Variants in RIMS1 observed in about 807,000 individuals in gnomAD.
The protein encoded by RIMS1 is regulating synaptic membrane exocytosis 1, also known as regulating synaptic membrane exocytosis protein 1.
Under a neutral mutation model 214.1 loss-of-function variants are expected in RIMS1, and 83 were observed. The observed-to-expected ratio is 0.39, with a 90% CI of 0.32 to 0.47. RIMS1 has a LOEUF of 0.47. RIMS1 is among the 20% of genes least tolerant of loss of function. RIMS1 has a pLI of 0.99. For missense variants in RIMS1, 2,050 were observed against 2,161.8 expected, an observed-to-expected ratio of 0.95 and a Z score of 1.03; for synonymous variants, 793 against 786.8, an observed-to-expected ratio of 1.01 and a Z score of -0.13.
intron 9 of RIMS1, among the ~76,000 whole-genome samples, chr6:72,239,692 TCTAAA>T: frequency 6.6e-6 from 1 of 152,300 alleles, no homozygotes; most frequent in Non-Finnish European, 1.5e-5. Flanking sequence ...CATTTAACCT[TCTAAA>T]ACACAAAAAT....
chr6:72,045,578 T>C (rs1822752594), intron 2 of RIMS1, among the ~76,000 whole-genome samples: 1 of 152,010 alleles, frequency 6.6e-6, no homozygotes, highest in South Asian at 2.1e-4. Flanking sequence ...TTAAACAAGT[T>C]TAATGCTTTT....
intron 6 of RIMS1, among the ~76,000 whole-genome samples, chr6:72,194,147 G>A (rs2050499339): frequency 6.6e-6 from 1 of 152,072 alleles, no homozygotes; most frequent in African/African-American, 2.4e-5. Flanking sequence ...AATCAATATG[G>A]TTAAAATGAC....
intron 24 of RIMS1, among the ~76,000 whole-genome samples, chr6:72,286,050 A>G (rs1002756233): frequency 1.3e-5 from 2 of 152,168 alleles, no homozygotes; most frequent in African/African-American, 2.4e-5. Context: ...ATACAAAAGT[A>G]GCTGGGCCTG....
intron 2 of RIMS1, among the ~76,000 whole-genome samples, chr6:72,086,652 G>C (rs1834734788): frequency 6.6e-6 from 1 of 152,120 alleles, no homozygotes; most frequent in African/African-American, 2.4e-5. Context: ...TTGTTGAATT[G>C]ATGTTTGGAA....
At chr6:71,951,680 A>T (rs1341692351) in intron 1 of RIMS1, among the ~76,000 whole-genome samples, 6 of 145,044 alleles carry the variant, frequency 4.1e-5, no homozygotes, top group Non-Finnish European at 6.0e-5. Flanking sequence ...TTTTTTTTTA[A>T]TAGTGACAGG....
chr6:72,029,601 T>G (rs1475299683), intron 2 of RIMS1, among the ~76,000 whole-genome samples: 1 of 152,122 alleles, frequency 6.6e-6, no homozygotes, highest in Admixed American at 6.6e-5. Flanking sequence ...GAAATAAATT[T>G]CTGTTATTTA....
intron 6 of RIMS1, among the ~76,000 whole-genome samples, chr6:72,186,779 A>AGC (rs1554265109): frequency 4.0e-5 from 6 of 148,320 alleles, no homozygotes; most frequent in African/African-American, 1.5e-4. Context: ...GTATATATGT[A>AGC]CCCCCCCCCA....
At chr6:71,983,208 G>T (rs888251699) in intron 2 of RIMS1, among the ~76,000 whole-genome samples, 6 of 150,912 alleles carry the variant, frequency 4.0e-5, no homozygotes, top group South Asian at 2.1e-4. Flanking sequence ...GTGTTTCTTG[G>T]ATCTGCTGTA....
At chr6:72,237,989 C>A (rs1158160416) in intron 9 of RIMS1, 67 bp downstream of exon 9, 8 of 1,100,730 alleles carry the variant, frequency 7.3e-6, no homozygotes, top group Admixed American at 2.2e-5. Context: ...TGGTGGTTTT[C>A]AATTTGGGGT....
chr6:72,061,814 G>T lies in RIMS1; in HGVS notation c.246-35135G>T, dbSNP rs575024139. ...ATATGTTACCAGTAATTCTAGAAAA[G>T]ATTTATAACACAATAACATTTTTAT... On this transcript the variant is annotated intron_variant, in intron 2 of 33. Transcript: ENST00000521978. 1.6e-4 allele frequency among the ~76,000 whole-genome samples: 25 copies of T among 152,264 alleles called. No homozygotes were observed. The East Asian group carries it at 4.8e-3, about 29-fold the overall frequency.
intron 6 of RIMS1, among the ~76,000 whole-genome samples, chr6:72,196,908 GA>G (rs374658248): frequency 6.6e-6 from 1 of 151,824 alleles, no homozygotes; most frequent in Non-Finnish European, 1.5e-5. Flanking sequence ...AAGTGAGAGG[GA>G]GCACTTCAAG....
At chr6:72,182,230 T>G (rs1471828281) in intron 5 of RIMS1, 54 bp from the exon 6 acceptor site, 1 of 1,486,668 alleles carries the variant, frequency 6.7e-7, no homozygotes, top group East Asian at 2.3e-5. Flanking sequence ...AAACATGTTT[T>G]TTATGTCTAG....
chr6:72,258,892 T>A, intron 17 of RIMS1, 94 bp from the exon 18 acceptor site: 3 of 1,151,414 alleles, frequency 2.6e-6, no homozygotes, highest in East Asian at 2.4e-5. Flanking sequence ...CAGTGTTTAT[T>A]TGCATATTAC....
At chr6:72,143,458 C>T (rs1268680513) in intron 4 of RIMS1, among the ~76,000 whole-genome samples, 2 of 151,876 alleles carry the variant, frequency 1.3e-5, no homozygotes, top group Non-Finnish European at 2.9e-5. Context: ...AACCTATGGC[C>T]TTGGTATTTG....
intron 4 of RIMS1, among the ~76,000 whole-genome samples, chr6:72,177,490 G>A (rs1445920432): frequency 6.6e-6 from 1 of 152,120 alleles, no homozygotes; most frequent in Non-Finnish European, 1.5e-5. Flanking sequence ...GACCTCAGAA[G>A]ATCTGCTCCC....
intron 8 of RIMS1, 52 bp from the exon 9 acceptor site, chr6:72,237,771 A>G (rs1288208082): frequency 1.6e-6 from 2 of 1,251,798 alleles, no homozygotes; most frequent in African/African-American, 3.0e-5. Flanking sequence ...CAAACTAATA[A>G]GCTTATGTTT....
chr6:72,216,695 G>T, intron 6 of RIMS1: 1 of 985,182 alleles, frequency 1.0e-6, no homozygotes, highest in South Asian at 4.7e-5. Flanking sequence ...TAATCCATGG[G>T]TATCCCAGTG....
At chr6:72,352,136 C>T (rs886262658) in intron 29 of RIMS1, among the ~76,000 whole-genome samples, 8 of 152,192 alleles carry the variant, frequency 5.3e-5, no homozygotes, top group African/African-American at 1.9e-4. Context: ...ACTGTACAAC[C>T]ATGCCAGCTT....
chr6:72,110,295 T>C (rs988013045), intron 4 of RIMS1, among the ~76,000 whole-genome samples: 3 of 152,328 alleles, frequency 2.0e-5, no homozygotes, highest in South Asian at 2.1e-4. Context: ...CCTTGGGCAG[T>C]ATGGCCATTT....
Sources: gnomAD v4.1 joint callset for allele counts (sites outside exome capture counted in the v4.1 genomes callset) on GRCh38, gnomAD v4.1.1 for gene constraint, MANE v1.5 for transcripts, NCBI Gene and HGNC (gene_info 2026-07-23, HGNC 2026-07-21) for gene names.